The following DPYSL3 variants were observed in gnomAD, a reference collection of about 807,000 sequenced individuals.
DPYSL3 encodes dihydropyrimidinase like 3, also known as dihydropyrimidinase-related protein 3.
DPYSL3 carries 16 observed loss-of-function variants against 66.1 expected under a neutral mutation model. The observed-to-expected ratio is 0.24, with a 90% CI of 0.16 to 0.37. The LOEUF is 0.37. Ranked by LOEUF, DPYSL3 falls within the 10% of genes least tolerant of loss-of-function variation. The pLI, the probability that DPYSL3 is intolerant of heterozygous loss-of-function variation, is 1.00. For synonymous variants in DPYSL3, 338 were observed against 345.1 expected (o/e 0.98, Z 0.23); for missense variants, 738 against 916.2 (o/e 0.81, Z 2.51).
At chr5:147,466,603 C>T (rs1753013198) in intron 1 of DPYSL3, among the ~76,000 whole-genome samples, 1 of 152,180 alleles carries the variant, frequency 6.6e-6, no homozygotes, top group Non-Finnish European at 1.5e-5. Context: ...TGATTGAGTT[C>T]AGATCCCTTC....
intron 3 of DPYSL3, among the ~76,000 whole-genome samples, chr5:147,416,243 C>T (rs1261241727): frequency 6.6e-6 from 1 of 152,080 alleles, no homozygotes; most frequent in East Asian, 1.9e-4. Flanking sequence ...TAAATGTTAG[C>T]CATCAATGAG....
chr5:147,428,834 G>C (rs1440555514), intron 1 of DPYSL3, among the ~76,000 whole-genome samples: 1 of 152,086 alleles, frequency 6.6e-6, no homozygotes, highest in Non-Finnish European at 1.5e-5. Context: ...AGAGCATCAG[G>C]ATAAATAGCT....
chr5:147,413,497 A>C, intron 5 of DPYSL3, 99 bp downstream of exon 5: 1 of 926,374 alleles, frequency 1.1e-6, no homozygotes, highest in Non-Finnish European at 1.7e-6. Context: ...GTGGTCTCCC[A>C]CAGTGACCAC....
Position 147,450,041 on chromosome 5 carries a change from T to C in DPYSL3, c.382-25078A>G, listed in dbSNP as rs144685648. On this transcript the variant is annotated intron_variant, in intron 1 of 13. Transcript: ENST00000343218. Reference sequence around the variant, plus strand: ...CCCTACCAATGTCAAGTAACAGCAATGGTAGAGAGGCAGAGGCGGAGACAC... The same window carrying C: ...CCCTACCAATGTCAAGTAACAGCAACGGTAGAGAGGCAGAGGCGGAGACAC... Among the ~76,000 whole-genome samples the C allele has an allele frequency of 3.3e-5, 5 of 152,148 alleles. No homozygotes were observed. In the East Asian group the frequency reaches 5.8e-4, roughly 18 times the overall value.
At chr5:147,429,475 T>C (rs1341602631) in intron 1 of DPYSL3, among the ~76,000 whole-genome samples, 1 of 152,054 alleles carries the variant, frequency 6.6e-6, no homozygotes, top group Non-Finnish European at 1.5e-5. Context: ...TGGCTGCCAG[T>C]GTGCGTGTGT....
At chr5:147,504,834 C>A (rs1324138782) in intron 1 of DPYSL3, among the ~76,000 whole-genome samples, 6 of 152,130 alleles carry the variant, frequency 3.9e-5, no homozygotes, top group Non-Finnish European at 8.8e-5. Flanking sequence ...TCAATAAAAA[C>A]CCCTGTAATC....
chr5:147,492,878 C>A (rs1006768108), intron 1 of DPYSL3, among the ~76,000 whole-genome samples: 2 of 152,036 alleles, frequency 1.3e-5, no homozygotes, highest in Non-Finnish European at 2.9e-5. Context: ...CCAAATACAC[C>A]AGTTAAAAGA....
chr5:147,470,092 C>G (rs1753064462), intron 1 of DPYSL3, among the ~76,000 whole-genome samples: 1 of 152,128 alleles, frequency 6.6e-6, no homozygotes, highest in Admixed American at 6.5e-5. Context: ...TGACCCTTAT[C>G]CCAACTCAGG....
intron 1 of DPYSL3, among the ~76,000 whole-genome samples, chr5:147,505,069 A>T (rs1753666101): frequency 1.3e-5 from 2 of 152,244 alleles, no homozygotes; most frequent in Admixed American, 6.5e-5. Context: ...AAAGTTGTGT[A>T]AGCCAACCAT....
chr5:147,461,883 G>T (rs762550356), intron 1 of DPYSL3, among the ~76,000 whole-genome samples: 11 of 152,028 alleles, frequency 7.2e-5, no homozygotes, highest in Non-Finnish European at 1.5e-4. Flanking sequence ...TTAGTCTCTG[G>T]GGTAACAGCC....
rs1372691825 is a variant in DPYSL3 at position 147,509,887 on chromosome 5, T to G, written c.-29A>C. ...TCAAGCACGAAAGCGGCCCGCGGGT[T>G]TTTCTTCCCCAGAGGCGGAAAGGGC... On this transcript the variant is annotated 5_prime_UTR_variant, in exon 1 of 14. Coordinates refer to ENST00000343218, the MANE Select transcript of DPYSL3 (RefSeq NM_001197294.2). The surrounding 1 kb of genome is among the most constrained non-coding windows in gnomAD (Gnocchi z 5.3). The G allele has an allele frequency of 6.8e-7, 1 of 1,480,676 alleles. No homozygotes were observed. Among genetic ancestry groups the G allele is most frequent in the Admixed American group, 2.2e-5 (1 of 45,616 alleles). 91.7% of individuals were successfully genotyped at this position (1,480,676 alleles called of 1,614,324 possible).
intron 1 of DPYSL3, among the ~76,000 whole-genome samples, chr5:147,437,055 G>T (rs543848779): frequency 6.6e-6 from 1 of 152,278 alleles, no homozygotes; most frequent in African/African-American, 2.4e-5. Flanking sequence ...AGAAAAGAAG[G>T]GTGGAAAGAT....
chr5:147,442,664 A>G (rs1336221499), intron 1 of DPYSL3, among the ~76,000 whole-genome samples: 1 of 152,238 alleles, frequency 6.6e-6, no homozygotes, highest in Non-Finnish European at 1.5e-5. Context: ...AATGCAAAAA[A>G]AATGAGATTC....
At chr5:147,497,115 C>T (rs1241065823) in intron 1 of DPYSL3, among the ~76,000 whole-genome samples, 15 of 152,150 alleles carry the variant, frequency 9.9e-5, no homozygotes, top group Non-Finnish European at 1.6e-4. Context: ...ATGGATGAAG[C>T]TGGAAACCAT....
intron 3 of DPYSL3, among the ~76,000 whole-genome samples, chr5:147,418,161 G>T (rs1285545116): frequency 6.6e-6 from 1 of 152,148 alleles, no homozygotes; most frequent in Non-Finnish European, 1.5e-5. Flanking sequence ...CTAGCCCAGA[G>T]ATGCTATTTC....
intron 1 of DPYSL3, among the ~76,000 whole-genome samples, chr5:147,443,311 T>C (rs1752568732): frequency 6.6e-6 from 1 of 152,180 alleles, no homozygotes; most frequent in Admixed American, 6.5e-5. Context: ...TAAAAAGGAA[T>C]GAGATCATGT....
At chr5:147,507,960 C>T (rs943837082) in intron 1 of DPYSL3, among the ~76,000 whole-genome samples, 3 of 152,300 alleles carry the variant, frequency 2.0e-5, no homozygotes, top group African/African-American at 7.2e-5. Flanking sequence ...TACTCCCGCC[C>T]GTTCCAGTCA....
At chr5:147,459,891 A>G (rs923923394) in intron 1 of DPYSL3, among the ~76,000 whole-genome samples, 1 of 152,168 alleles carries the variant, frequency 6.6e-6, no homozygotes, top group South Asian at 2.1e-4. Context: ...TGGGCGGGTC[A>G]TGAGGTCAGC....
At chr5:147,499,616 A>G (rs1753572868) in intron 1 of DPYSL3, among the ~76,000 whole-genome samples, 1 of 152,226 alleles carries the variant, frequency 6.6e-6, no homozygotes, top group African/African-American at 2.4e-5. Context: ...AATACTGTCT[A>G]GATGTCAGTT....
Sources: allele counts gnomAD v4.1 joint callset (sites outside exome capture counted in the v4.1 genomes callset), GRCh38; gene constraint gnomAD v4.1.1; non-coding constraint Gnocchi (gnomAD v3.1); transcripts MANE v1.5; gene names NCBI Gene and HGNC (gene_info 2026-07-23, HGNC 2026-07-21).